RANBP2: variants seen among roughly 807,000 people sequenced by gnomAD.
RANBP2 encodes RAN binding protein 2, also known as E3 SUMO-protein ligase RanBP2.
A neutral mutation model predicts 303.6 loss-of-function variants in RANBP2; 57 were observed. The ratio of observed to expected loss-of-function variants is 0.19; its 90% CI spans 0.15 to 0.23. The LOEUF is 0.23. RANBP2 is among the 10% of genes least tolerant of loss of function. The probability of loss-of-function intolerance (pLI) is 1.00; values close to 1 mark genes in which losing one functional copy is unlikely to be tolerated. For synonymous variants in RANBP2, 1,167 were observed against 1,301.5 expected (o/e 0.90, Z 2.23); for missense variants, 3,138 against 3,780.8 (o/e 0.83, Z 4.46).
chr2:109,456,206 GGTTA>G, the RANBP2 span, among the ~76,000 whole-genome samples: 2 of 152,236 alleles, frequency 1.3e-5, no homozygotes, highest in African/African-American at 2.4e-5. Context: ...CAGCTCTGCT[GGTTA>G]GTGGCACTGG....
the RANBP2 span, among the ~76,000 whole-genome samples, chr2:108,911,411 G>C: frequency 6.6e-6 from 1 of 152,152 alleles, no homozygotes; most frequent in Non-Finnish European, 1.5e-5. Context: ...CAGTGAACAA[G>C]AGTGGCTGGA....
the RANBP2 span, chr2:108,929,223 C>A: frequency 4.4e-5 from 71 of 1,613,976 alleles, no homozygotes; most frequent in Non-Finnish European, 5.5e-5. Context: ...CCACACTCAG[C>A]GTCATTCTCC....
At chr2:109,555,898 C>T in the RANBP2 span, among the ~76,000 whole-genome samples, 3 of 152,142 alleles carry the variant, frequency 2.0e-5, no homozygotes, top group Non-Finnish European at 2.9e-5. Context: ...CGTTCAGTCC[C>T]GTAGTGACTG....
the RANBP2 span, among the ~76,000 whole-genome samples, chr2:108,937,998 A>G: frequency 3.3e-5 from 5 of 152,252 alleles, 1 homozygote; most frequent in South Asian, 1.0e-3. Context: ...TTGCACACGT[A>G]GAATAATAAA....
At chr2:109,340,813 G>A in the RANBP2 span, among the ~76,000 whole-genome samples, 4 of 152,246 alleles carry the variant, frequency 2.6e-5, no homozygotes, top group South Asian at 6.2e-4. Context: ...TTGTCAAAAG[G>A]TGCATTCTAA....
chr2:108,734,699 C>T (rs1695431162), intron 4 of RANBP2, among the ~76,000 whole-genome samples: 1 of 151,076 alleles, frequency 6.6e-6, no homozygotes, highest in Admixed American at 6.6e-5. Context: ...GGTATGTAGG[C>T]CCTCAGTGAG....
chr2:109,298,959 G>A, the RANBP2 span, among the ~76,000 whole-genome samples: 1 of 152,168 alleles, frequency 6.6e-6, no homozygotes, highest in African/African-American at 2.4e-5. Flanking sequence ...AAAAAGCCAG[G>A]CCGTATGACA....
At chr2:109,278,010 CAA>C in the RANBP2 span, among the ~76,000 whole-genome samples, 4 of 81,324 alleles carry the variant, frequency 4.9e-5, no homozygotes, top group African/African-American at 5.2e-5. Context: ...CTGTCTCTAA[CAA>C]AAAAAAAAAA....
Position 108,737,527 on chromosome 2 carries a change from C to T in RANBP2, c.782+1278C>T, listed in dbSNP as rs183249781. The stretch of plus-strand genomic sequence containing the variant: ...CTAATTTTTGTATTTTTAGTAGAGA[C>T]GGGGTTCAGGATGGTCTCAAGCTCT... On this transcript the variant is annotated intron_variant, in intron 6 of 28. Coordinates refer to ENST00000283195, the MANE Select transcript of RANBP2 (RefSeq NM_006267.5). 1.2e-4 allele frequency among the ~76,000 whole-genome samples: 18 copies of T among 145,158 alleles called. No homozygotes were observed. The East Asian group carries it at 2.2e-3, about 18-fold the overall frequency.
At chr2:109,238,686 C>G in the RANBP2 span, among the ~76,000 whole-genome samples, 1 of 152,148 alleles carries the variant, frequency 6.6e-6, no homozygotes. Flanking sequence ...ACAGGATGGC[C>G]TCACTCCACA....
chr2:109,031,517 G>A, the RANBP2 span, among the ~76,000 whole-genome samples: 4 of 152,248 alleles, frequency 2.6e-5, no homozygotes, highest in Non-Finnish European at 5.9e-5. Context: ...AGACCCAGCA[G>A]TCGGCTCTGC....
At chr2:108,999,358 C>T in the RANBP2 span, among the ~76,000 whole-genome samples, 215 of 152,314 alleles carry the variant, frequency 1.4e-3, 3 homozygotes, top group South Asian at 0.018. Flanking sequence ...TCTTTCATTC[C>T]TTAACATTAC....
the RANBP2 span, among the ~76,000 whole-genome samples, chr2:109,594,015 A>C: frequency 6.6e-6 from 1 of 152,190 alleles, no homozygotes; most frequent in African/African-American, 2.4e-5. Flanking sequence ...TGAAAGGTTG[A>C]GTAATTTACC....
chr2:109,034,484 C>CT, the RANBP2 span, among the ~76,000 whole-genome samples: 1 of 152,034 alleles, frequency 6.6e-6, no homozygotes, highest in African/African-American at 2.4e-5. Context: ...AGCTGAGGGG[C>CT]TATGGCAAGA....
chr2:108,967,310 A>C, the RANBP2 span, among the ~76,000 whole-genome samples: 1 of 152,188 alleles, frequency 6.6e-6, no homozygotes, highest in Admixed American at 6.5e-5. Flanking sequence ...ACAGGAAAAA[A>C]ACATGAAGAA....
At chr2:109,204,354 G>C in the RANBP2 span, among the ~76,000 whole-genome samples, 64,037 of 152,058 alleles carry the variant, frequency 0.42, 15,590 homozygotes, top group East Asian at 0.8. Flanking sequence ...GAGTTAGCAG[G>C]AATCTCCTTA....
At chr2:108,929,357 T>C in the RANBP2 span, 1 of 1,614,112 alleles carries the variant, frequency 6.2e-7, no homozygotes, top group Non-Finnish European at 8.5e-7. Flanking sequence ...GTAGTCCTCG[T>C]CTTTGGTGCC....
At chr2:109,668,449 A>C in the RANBP2 span, among the ~76,000 whole-genome samples, 7 of 152,216 alleles carry the variant, frequency 4.6e-5, no homozygotes, top group African/African-American at 1.7e-4. Context: ...AAGTATTCTC[A>C]AGTCAATACA....
chr2:109,309,302 T>C, the RANBP2 span, among the ~76,000 whole-genome samples: 3 of 149,454 alleles, frequency 2.0e-5, no homozygotes, highest in Admixed American at 6.7e-5. Flanking sequence ...TGAAGTTGCT[T>C]ATCAGCTTAA....
Sources: allele counts gnomAD v4.1 joint callset (sites outside exome capture counted in the v4.1 genomes callset), GRCh38; gene constraint gnomAD v4.1.1; transcripts MANE v1.5; gene names NCBI Gene and HGNC (gene_info 2026-07-23, HGNC 2026-07-21).